Variants in DAPK1 observed in about 807,000 individuals in gnomAD.
DAPK1 encodes death-associated protein kinase 1.
Under a neutral mutation model 144.9 loss-of-function variants are expected in DAPK1, and 56 were observed. The observed-to-expected ratio is 0.39, with a 90% CI of 0.31 to 0.48. The LOEUF (loss-of-function observed/expected upper bound fraction) is 0.48, where lower values mean the gene tolerates loss of function less well. Among genes scored for constraint, DAPK1 ranks in the 20% least tolerant of loss-of-function variants. The probability of loss-of-function intolerance (pLI) is 0.95; values close to 1 mark genes in which losing one functional copy is unlikely to be tolerated. For missense variants in DAPK1, 1,454 were observed against 1,875.4 expected (o/e 0.78, Z 4.15); for synonymous variants, 690 against 749.0 (o/e 0.92, Z 1.29).
At chr9:87,687,787 C>T (rs1449998636) in intron 21 of DAPK1, among the ~76,000 whole-genome samples, 3 of 145,178 alleles carry the variant, frequency 2.1e-5, no homozygotes, top group Non-Finnish European at 4.5e-5. Flanking sequence ...CTTTTCTCTG[C>T]ATCATTGCCA....
At chr9:87,682,259 G>A (rs10118981) in intron 20 of DAPK1, among the ~76,000 whole-genome samples, 7 of 152,136 alleles carry the variant, frequency 4.6e-5, no homozygotes, top group Non-Finnish European at 7.3e-5. Flanking sequence ...CCACAGACAG[G>A]GTTATTGATT....
At chr9:87,570,050 A>G (rs1435860800) in intron 2 of DAPK1, among the ~76,000 whole-genome samples, 2 of 152,190 alleles carry the variant, frequency 1.3e-5, no homozygotes, top group African/African-American at 4.8e-5. Context: ...TTTTTCCTGC[A>G]TCAGATTCTT....
At chr9:87,564,899 A>C (rs1827060988) in intron 2 of DAPK1, among the ~76,000 whole-genome samples, 1 of 152,150 alleles carries the variant, frequency 6.6e-6, no homozygotes, top group Admixed American at 6.5e-5. Flanking sequence ...CAACTTTCTT[A>C]TGTGGTAGAA....
At chr9:87,584,016 A>G (rs941882602) in intron 2 of DAPK1, among the ~76,000 whole-genome samples, 6 of 152,216 alleles carry the variant, frequency 3.9e-5, no homozygotes, top group African/African-American at 1.2e-4. Flanking sequence ...TTGTAGCTGT[A>G]TTATTAGTAT....
At chr9:87,689,387 G>A (rs1824975397) in intron 21 of DAPK1, among the ~76,000 whole-genome samples, 1 of 152,016 alleles carries the variant, frequency 6.6e-6, no homozygotes, top group Non-Finnish European at 1.5e-5. Context: ...CTGTTCAGCT[G>A]TTTGAGTTCC....
chr9:87,620,122 G>C (rs575375232), intron 3 of DAPK1, among the ~76,000 whole-genome samples: 19 of 152,280 alleles, frequency 1.2e-4, no homozygotes, highest in Admixed American at 6.5e-4. Context: ...CGGGGTTTCA[G>C]GCCACCCTCT....
At chr9:87,665,009 G>A (rs1246863916) in intron 18 of DAPK1, among the ~76,000 whole-genome samples, 1 of 152,198 alleles carries the variant, frequency 6.6e-6, no homozygotes, top group African/African-American at 2.4e-5. Flanking sequence ...AGGTATCCAT[G>A]TGATTTGGTC....
chr9:87,694,458 G>T (rs976895085), intron 21 of DAPK1, among the ~76,000 whole-genome samples: 5 of 152,172 alleles, frequency 3.3e-5, no homozygotes, highest in Admixed American at 3.3e-4. Context: ...GTGATCCCCA[G>T]CCTCTGGCAA....
At chr9:87,598,175 T>G (rs908573301) in intron 2 of DAPK1, among the ~76,000 whole-genome samples, 6 of 152,214 alleles carry the variant, frequency 3.9e-5, no homozygotes, top group Non-Finnish European at 7.3e-5. Flanking sequence ...CCTGCTACTC[T>G]GGCAGCAAAA....
chr9:87,595,098 G>A (rs530309438), intron 2 of DAPK1, among the ~76,000 whole-genome samples: 12 of 152,338 alleles, frequency 7.9e-5, no homozygotes, highest in African/African-American at 1.9e-4. Flanking sequence ...GAAGCTGCCC[G>A]TTTAACTGGG....
chr9:87,661,538 C>T (rs11141933), intron 18 of DAPK1, among the ~76,000 whole-genome samples: 47,349 of 151,952 alleles, frequency 0.31, 7,760 homozygotes, highest in Middle Eastern at 0.49. Flanking sequence ...TAAGGTGATA[C>T]TCATTGTGGT....
chr9:87,537,550 T>C (rs934411412), intron 2 of DAPK1, among the ~76,000 whole-genome samples: 3 of 151,992 alleles, frequency 2.0e-5, no homozygotes, highest in Admixed American at 6.6e-5. Flanking sequence ...ATGTGGAATA[T>C]GGTGTGCATG....
intron 2 of DAPK1, chr9:87,525,357 G>A (rs1264650324): frequency 3.1e-6 from 5 of 1,611,162 alleles, no homozygotes; most frequent in Non-Finnish European, 3.4e-6. Flanking sequence ...CAGGGTTCTC[G>A]CTCTTGTTGC....
At chr9:87,584,834 G>T (rs748211952) in intron 2 of DAPK1, among the ~76,000 whole-genome samples, 1 of 152,064 alleles carries the variant, frequency 6.6e-6, no homozygotes, top group African/African-American at 2.4e-5. Flanking sequence ...CCGCCACCAC[G>T]CCTGGCTAAT....
intron 2 of DAPK1, among the ~76,000 whole-genome samples, chr9:87,537,096 C>T (rs1315341688): frequency 6.6e-6 from 1 of 151,988 alleles, no homozygotes; most frequent in Non-Finnish European, 1.5e-5. Flanking sequence ...AAGCGATTCT[C>T]CTTCCTCAGC....
intron 2 of DAPK1, among the ~76,000 whole-genome samples, chr9:87,554,736 G>A (rs970425148): frequency 6.6e-6 from 1 of 152,192 alleles, no homozygotes; most frequent in Non-Finnish European, 1.5e-5. Context: ...CCATCAGCTG[G>A]CCTCGGCCTG....
At chr9:87,620,781 GA>G (rs990853426) in intron 3 of DAPK1, among the ~76,000 whole-genome samples, 4 of 150,464 alleles carry the variant, frequency 2.7e-5, no homozygotes, top group African/African-American at 7.3e-5. Flanking sequence ...ATTGATTTTG[GA>G]AAAAAAAACC....
At chr9:87,646,217 T>C (rs1034696082) in intron 12 of DAPK1, among the ~76,000 whole-genome samples, 1 of 152,214 alleles carries the variant, frequency 6.6e-6, no homozygotes, top group Non-Finnish European at 1.5e-5. Flanking sequence ...CATTCACGTA[T>C]TGTATCTCTA....
intron 2 of DAPK1, among the ~76,000 whole-genome samples, chr9:87,533,332 C>A (rs1587694247): frequency 6.6e-6 from 1 of 152,242 alleles, no homozygotes; most frequent in Non-Finnish European, 1.5e-5. Context: ...ATGCTGAAGT[C>A]TTTGACACCT....
Sources: gnomAD v4.1 joint callset for allele counts (sites outside exome capture counted in the v4.1 genomes callset) on GRCh38, gnomAD v4.1.1 for gene constraint, MANE v1.5 for transcripts, NCBI Gene and HGNC (gene_info 2026-07-23, HGNC 2026-07-21) for gene names.